LINGO2: variants seen among roughly 807,000 people sequenced by gnomAD.
LINGO2 encodes leucine rich repeat and Ig domain containing 2.
LINGO2 carries 14 observed loss-of-function variants against 30.6 expected under a neutral mutation model. The observed-to-expected ratio is 0.46, with a 90% CI of 0.30 to 0.72. The LOEUF (loss-of-function observed/expected upper bound fraction) is 0.72, where lower values mean the gene tolerates loss of function less well. Among genes scored for constraint, LINGO2 ranks in the 30% least tolerant of loss-of-function variants. LINGO2 has a pLI of 0.07. For missense variants in LINGO2, 729 were observed against 751.7 expected (o/e 0.97, Z 0.35); for synonymous variants, 317 against 288.5 (o/e 1.10, Z -1.00).
In LINGO2 at chr9:28,506,515, T is replaced by TATATAGATATATAG. The variant is rs1554729665; in HGVS notation, c.-364-30491_-364-30490insCTATATATCTATAT. Among the ~76,000 whole-genome samples, 744 of 99,660 alleles carry TATATAGATATATAG rather than the reference T, an allele frequency of 7.5e-3. 14 individuals are homozygous for TATATAGATATATAG. The highest frequency in any genetic ancestry group is 0.022 in the African/African-American group (586 of 26,400). 65.4% of individuals were successfully genotyped at this position (99,660 alleles called of 152,430 possible). A position where few individuals can be genotyped will look rare whatever the true frequency, so the allele number is the denominator to read the frequency against. On this transcript the variant is annotated intron_variant, in intron 1 of 5. Transcript: ENST00000379992. ...ACACACACACACAGACATATATATA[T>TATATAGATATATAG]ATATATAAACTGTTGGGGACTAAGT...
the LINGO2 span, among the ~76,000 whole-genome samples, chr9:28,855,600 A>T: frequency 6.6e-6 from 1 of 151,958 alleles, no homozygotes; most frequent in South Asian, 2.1e-4. Context: ...TACTAATGCA[A>T]GGTCAATGAT....
At chr9:27,954,115 T>C (rs1412228570) in intron 5 of LINGO2, among the ~76,000 whole-genome samples, 1 of 152,242 alleles carries the variant, frequency 6.6e-6, no homozygotes, top group East Asian at 1.9e-4. Flanking sequence ...AACAATGTGA[T>C]ATTTTGTTAC....
chr9:28,745,426 TG>T, the LINGO2 span, among the ~76,000 whole-genome samples: 6 of 152,174 alleles, frequency 3.9e-5, no homozygotes, highest in South Asian at 1.2e-3. Flanking sequence ...GTGTGAATAA[TG>T]GAGTGAATTA....
At chr9:28,997,648 C>G in the LINGO2 span, among the ~76,000 whole-genome samples, 1 of 151,922 alleles carries the variant, frequency 6.6e-6, no homozygotes, top group African/African-American at 2.4e-5. Flanking sequence ...ACAGTGAGAC[C>G]CCGTCTCTCT....
intron 3 of LINGO2, among the ~76,000 whole-genome samples, chr9:28,355,261 G>C (rs2891313): frequency 6.6e-5 from 9 of 136,902 alleles, no homozygotes; most frequent in East Asian, 2.2e-4. Flanking sequence ...CTCTGTCTCT[G>C]TCTCTCTCTC....
At chr9:28,809,552 T>C in the LINGO2 span, among the ~76,000 whole-genome samples, 1 of 152,098 alleles carries the variant, frequency 6.6e-6, no homozygotes, top group Non-Finnish European at 1.5e-5. Context: ...GGGACCAGCC[T>C]GGCCAACACA....
chr9:28,826,706 T>A, the LINGO2 span, among the ~76,000 whole-genome samples: 1 of 152,230 alleles, frequency 6.6e-6, no homozygotes, highest in Non-Finnish European at 1.5e-5. Flanking sequence ...TCACTCTGAA[T>A]AAGACAACAA....
intron 4 of LINGO2, among the ~76,000 whole-genome samples, chr9:28,084,912 G>A (rs1825868319): frequency 6.6e-6 from 1 of 152,134 alleles, no homozygotes; most frequent in South Asian, 2.1e-4. Context: ...GAAAGTATGA[G>A]AAGATCTTTT....
At chr9:29,081,194 C>A in the LINGO2 span, among the ~76,000 whole-genome samples, 1 of 151,984 alleles carries the variant, frequency 6.6e-6, no homozygotes, top group Non-Finnish European at 1.5e-5. Context: ...ACTGGCAAAC[C>A]GAATCCAGCA....
At chr9:28,354,729 G>A (rs1483320439) in intron 3 of LINGO2, among the ~76,000 whole-genome samples, 1 of 152,018 alleles carries the variant, frequency 6.6e-6, no homozygotes, top group Non-Finnish European at 1.5e-5. Flanking sequence ...CATTTTTATA[G>A]CTGTTTTTTA....
At chr9:28,065,857 G>A (rs935004419) in intron 4 of LINGO2, among the ~76,000 whole-genome samples, 1 of 152,016 alleles carries the variant, frequency 6.6e-6, no homozygotes, top group Non-Finnish European at 1.5e-5. Flanking sequence ...GAAAATTATG[G>A]CAGCAGCTCA....
At chr9:28,547,141 C>T (rs566010662) in intron 1 of LINGO2, among the ~76,000 whole-genome samples, 1 of 152,186 alleles carries the variant, frequency 6.6e-6, no homozygotes, top group Non-Finnish European at 1.5e-5. Flanking sequence ...CTGCTTTTTG[C>T]CAGCATCTGA....
chr9:28,670,048 T>C (rs1372509481), intron 1 of LINGO2, among the ~76,000 whole-genome samples, 152 bp downstream of exon 3: 1 of 151,946 alleles, frequency 6.6e-6, no homozygotes, highest in Non-Finnish European at 1.5e-5. Flanking sequence ...GCTAACAAAT[T>C]AGAGGAACTA....
chr9:28,454,293 T>A (rs892544893), intron 2 of LINGO2, among the ~76,000 whole-genome samples: 3 of 152,052 alleles, frequency 2.0e-5, no homozygotes, highest in Non-Finnish European at 2.9e-5. Flanking sequence ...TTGCTAAAAT[T>A]GTTTTTCAAC....
At chr9:28,376,606 C>A (rs988759977) in intron 2 of LINGO2, among the ~76,000 whole-genome samples, 2 of 152,210 alleles carry the variant, frequency 1.3e-5, no homozygotes, top group African/African-American at 4.8e-5. Context: ...TATTCACAGG[C>A]AGCTCATGCT....
the LINGO2 span, among the ~76,000 whole-genome samples, chr9:28,730,350 A>G: frequency 6.6e-6 from 1 of 152,288 alleles, no homozygotes; most frequent in African/African-American, 2.4e-5. Flanking sequence ...TAAAATCCTC[A>G]CTGCTCTCTG....
At chr9:28,777,823 A>G in the LINGO2 span, among the ~76,000 whole-genome samples, 1 of 152,230 alleles carries the variant, frequency 6.6e-6, no homozygotes. Flanking sequence ...CTGCCAAAGC[A>G]AGGGACTTCC....
At chr9:28,007,405 G>A (rs928521642) in intron 5 of LINGO2, among the ~76,000 whole-genome samples, 1 of 152,098 alleles carries the variant, frequency 6.6e-6, no homozygotes, top group East Asian at 1.9e-4. Context: ...CCAGTACCAA[G>A]TAAAGGCTTA....
intron 1 of LINGO2, among the ~76,000 whole-genome samples, chr9:28,632,708 T>C (rs539044154): frequency 1.8e-4 from 24 of 133,360 alleles, no homozygotes; most frequent in Admixed American, 1.4e-3. Context: ...ATCTATATAT[T>C]TATATATAGA....
Sources: allele counts gnomAD v4.1 joint callset (sites outside exome capture counted in the v4.1 genomes callset), GRCh38; gene constraint gnomAD v4.1.1; transcripts MANE v1.5; gene names NCBI Gene and HGNC (gene_info 2026-07-23, HGNC 2026-07-21).